The following MICU1 variants were observed in gnomAD, a reference collection of about 807,000 sequenced individuals.
The protein encoded by MICU1 is mitochondrial calcium uptake 1.
MICU1 carries 45 observed loss-of-function variants against 56.8 expected under a neutral mutation model. The observed-to-expected ratio is 0.79, with a 90% confidence interval of 0.62 to 1.02. The LOEUF (loss-of-function observed/expected upper bound fraction) is 1.02. Among genes scored for constraint, MICU1 ranks in the 50% least tolerant of loss-of-function variants. The pLI, the probability that MICU1 is intolerant of heterozygous loss-of-function variation, is 0.00. For missense variants in MICU1, 504 were observed against 587.1 expected (o/e 0.86, Z 1.46); for synonymous variants, 186 against 195.1 (o/e 0.95, Z 0.39).
At chr10:72,527,622 T>C (rs1404270944) in intron 5 of MICU1, among the ~76,000 whole-genome samples, 1 of 152,108 alleles carries the variant, frequency 6.6e-6, no homozygotes, top group East Asian at 1.9e-4. Context: ...GCACTGGGAT[T>C]ACAGGCATGA....
intron 6 of MICU1, among the ~76,000 whole-genome samples, chr10:72,497,784 A>G (rs1304491907): frequency 6.6e-6 from 1 of 152,240 alleles, no homozygotes; most frequent in Non-Finnish European, 1.5e-5. Flanking sequence ...AATCAATGGT[A>G]TAGTGATAGA....
chr10:72,476,951 G>A (rs1029450146), intron 7 of MICU1, among the ~76,000 whole-genome samples: 1 of 152,170 alleles, frequency 6.6e-6, no homozygotes, highest in Non-Finnish European at 1.5e-5. Context: ...GAGCAACCGT[G>A]ACCTTAACGG....
In MICU1 at chr10:72,586,007, T is replaced by C. The variant is rs567593072; in HGVS notation, c.-1-19213A>G. Among the ~76,000 whole-genome samples the C allele has an allele frequency of 8.7e-3, 1,077 of 124,204 alleles. 4 individuals carry two copies. The highest frequency in any genetic ancestry group is 0.015 in the Non-Finnish European group (856 of 58,970). 81.5% of individuals were successfully genotyped at this position (124,204 alleles called of 152,430 possible). On this transcript the variant is annotated intron_variant, in intron 1 of 11. Transcript: ENST00000361114. ...TGTATTGTTTTTATTTTTTCTTTTT[T>C]TTTTTCTTTTTTTTTTTTTTTTTTT...
At chr10:72,384,816 GCC>G (rs1325233981) in intron 10 of MICU1, among the ~76,000 whole-genome samples, 1 of 152,054 alleles carries the variant, frequency 6.6e-6, no homozygotes, top group Non-Finnish European at 1.5e-5. Flanking sequence ...TGGAATCCTG[GCC>G]AACACTCCTC....
In MICU1 at chr10:72,477,263, AGG is replaced by A; in HGVS notation, c.653-9_653-8del. ...TCAAAATTTCTCTGAGGAGCTGCAG[AGG>A]AGAGAAAAAAAATATTTAGAAGGCA... On this transcript the variant is annotated splice_region_variant and splice_polypyrimidine_tract_variant and intron_variant, in intron 6 of 11. Transcript: ENST00000361114. The A allele has an allele frequency of 6.5e-7, 1 of 1,531,656 alleles. No homozygotes were observed. The highest frequency in any genetic ancestry group is 8.8e-7 in the Non-Finnish European group (1 of 1,141,208). The allele number at this position is 1,531,656 out of a possible 1,614,324, so 94.9% of individuals were successfully genotyped here. A position where few individuals can be genotyped will look rare whatever the true frequency, so the allele number is the denominator to read the frequency against.
Position 72,396,919 on chromosome 10 carries a change from C to T in MICU1, c.1180+11010G>A, listed in dbSNP as rs185155156. On this transcript the variant is annotated intron_variant, in intron 10 of 11. Transcript: ENST00000361114. ...AGCAAGGCAGGCCAACATTCAAATT[C>T]AGGAAATACAGAGAACACCACAAAG... Among the ~76,000 whole-genome samples, 621 of 152,242 alleles carry T rather than the reference C, an allele frequency of 4.1e-3. 6 individuals carry two copies. The highest frequency in any genetic ancestry group is 0.014 in the African/African-American group (591 of 41,538).
At chr10:72,620,003 A>G (rs1842066018) in intron 1 of MICU1, among the ~76,000 whole-genome samples, 1 of 152,186 alleles carries the variant, frequency 6.6e-6, no homozygotes, top group Admixed American at 6.6e-5. Context: ...ATTCAATCTT[A>G]TTAGGATGGT....
At chr10:72,476,256 G>T (rs543915862) in intron 7 of MICU1, among the ~76,000 whole-genome samples, 11 of 151,322 alleles carry the variant, frequency 7.3e-5, no homozygotes, top group African/African-American at 2.7e-4. Flanking sequence ...AAGAGACAGG[G>T]TCTTGCCTGT....
At chr10:72,529,446 T>C (rs1839413002) in intron 5 of MICU1, among the ~76,000 whole-genome samples, 1 of 152,208 alleles carries the variant, frequency 6.6e-6, no homozygotes, top group Non-Finnish European at 1.5e-5. Context: ...CTATAGCTTT[T>C]AGAAGACATA....
At chr10:72,548,488 C>T (rs1325933881) in intron 4 of MICU1, among the ~76,000 whole-genome samples, 3 of 152,118 alleles carry the variant, frequency 2.0e-5, no homozygotes, top group African/African-American at 4.8e-5. Context: ...ATTTTAGAGA[C>T]ACATGCAAAA....
At chr10:72,566,546 A>T (rs752201379) in intron 2 of MICU1, 87 bp downstream of exon 2, 1 of 1,337,898 alleles carries the variant, frequency 7.5e-7, no homozygotes, top group Non-Finnish European at 1.0e-6. Flanking sequence ...ATACAGAGTT[A>T]AGCCAGAAAT....
At position 72,510,847 on chromosome 10, in the gene MICU1, G is replaced by A. The variant is rs1051773078; in HGVS notation, c.538-2578C>T. 3.3e-5 allele frequency among the ~76,000 whole-genome samples: 5 copies of A among 152,232 alleles called. No individual in the cohort carries two copies. In the East Asian group the frequency reaches 9.7e-4, roughly 29 times the overall value. ...GGGTTTTGCCATGTTGGCCAGGCTG[G>A]TCTTGAACTCCTGGCCTCAGGTAAT... On this transcript the variant is annotated intron_variant, in intron 5 of 11. Coordinates refer to ENST00000361114, the MANE Select transcript of MICU1 (RefSeq NM_001195518.2).
chr10:72,427,739 T>A (rs1373742270), intron 8 of MICU1, among the ~76,000 whole-genome samples: 61 of 22,508 alleles, frequency 2.7e-3, no homozygotes, highest in African/African-American at 9.5e-3. Context: ...CTAAAATATA[T>A]ATATATATAT....
intron 6 of MICU1, among the ~76,000 whole-genome samples, chr10:72,480,774 T>G (rs1056482103): frequency 6.6e-6 from 1 of 152,240 alleles, no homozygotes; most frequent in African/African-American, 2.4e-5. Context: ...TTTATCAGGA[T>G]CTTGTAGTCT....
intron 1 of MICU1, among the ~76,000 whole-genome samples, chr10:72,589,970 AGCC>A (rs1841176238): frequency 6.6e-6 from 1 of 152,132 alleles, no homozygotes; most frequent in Non-Finnish European, 1.5e-5. Flanking sequence ...GCCTGTGAAC[AGCC>A]CCTCATTCAA....
At chr10:72,444,149 A>G (rs1865028709) in intron 8 of MICU1, among the ~76,000 whole-genome samples, 1 of 148,094 alleles carries the variant, frequency 6.8e-6, no homozygotes, top group African/African-American at 2.5e-5. Context: ...GCATATTCTC[A>G]CTCATAGGTG....
chr10:72,570,999 T>C (rs1445628464), intron 1 of MICU1, among the ~76,000 whole-genome samples: 2 of 152,242 alleles, frequency 1.3e-5, no homozygotes. Context: ...GGAAACATTA[T>C]TCATCACTGA....
intron 6 of MICU1, among the ~76,000 whole-genome samples, chr10:72,482,083 T>G (rs1197275195): frequency 2.6e-5 from 4 of 152,226 alleles, no homozygotes; most frequent in African/African-American, 9.6e-5. Flanking sequence ...CTATGTGTAT[T>G]GAGTCACATA....
chr10:72,453,511 T>A (rs939895185), intron 8 of MICU1, among the ~76,000 whole-genome samples: 4 of 152,106 alleles, frequency 2.6e-5, no homozygotes, highest in African/African-American at 9.7e-5. Context: ...AACATTACTT[T>A]ATTTTACTTA....
Sources: gnomAD v4.1 joint callset for allele counts (sites outside exome capture counted in the v4.1 genomes callset) on GRCh38, gnomAD v4.1.1 for gene constraint, MANE v1.5 for transcripts, NCBI Gene and HGNC (gene_info 2026-07-23, HGNC 2026-07-21) for gene names.